The following CIBAR1 variants were observed in gnomAD, a reference collection of about 807,000 sequenced individuals.
CIBAR1 encodes CBY1-interacting BAR domain-containing protein 1.
A neutral mutation model predicts 44.0 loss-of-function variants in CIBAR1; 25 were observed. That is an observed-to-expected ratio of 0.57 (90% CI 0.41 to 0.79). CIBAR1 has a LOEUF of 0.79. Ranked by LOEUF, CIBAR1 falls within the 30% of genes least tolerant of loss-of-function variation. CIBAR1 has a pLI of 0.00. For synonymous variants in CIBAR1, 115 were observed against 119.0 expected (o/e 0.97, Z 0.22); for missense variants, 278 against 344.8 (o/e 0.81, Z 1.53).
intron 5 of CIBAR1, among the ~76,000 whole-genome samples, chr8:93,708,392 A>G (rs186891023): frequency 1.4e-3 from 212 of 152,330 alleles, no homozygotes; most frequent in Middle Eastern, 6.8e-3. Flanking sequence ...AAATATTACT[A>G]TAGCTACTGA....
Position 93,730,642 on chromosome 8 carries a change from T to C in CIBAR1, c.*2345T>C, listed in dbSNP as rs1811753197. On this transcript the variant is annotated 3_prime_UTR_variant, in exon 9 of 9. Transcript: ENST00000518322. ...AGGGGACAACAGGAGGGGAATTCCT[T>C]GATTTGCTGCATTTATCACTTTCCA... is the stretch of plus-strand genomic sequence containing the variant. The C allele has an allele frequency of 6.6e-6, 1 of 152,142 alleles. No individual in the cohort carries two copies. 9.4% of individuals were successfully genotyped at this position (152,142 alleles called of 1,614,324 possible).
At position 93,704,935 on chromosome 8, in the gene CIBAR1, A is replaced by C; in HGVS notation, c.357A>C (p.Ala119=). Residue 119 remains alanine, a synonymous_variant, in exon 4 of 9, where the codon GCA becomes GCC. Transcript: ENST00000518322. The stretch of plus-strand genomic sequence containing the variant: ...ATGACCTCAAAGCAACACTCACAGC[A>C]AGGAATCGAGAAGCTAAGCAATTAA... The part of the protein sequence containing the change: ...KRDDLKATLT[A]RNREAKQLTQ... The C allele has an allele frequency of 1.2e-6, 2 of 1,609,628 alleles. No homozygotes were observed. Among genetic ancestry groups the C allele is most frequent in the Non-Finnish European group, 8.5e-7 (1 of 1,178,398 alleles).
At chr8:93,719,364 A>G (rs1434000110) in intron 7 of CIBAR1, among the ~76,000 whole-genome samples, 2 of 152,234 alleles carry the variant, frequency 1.3e-5, no homozygotes, top group Non-Finnish European at 2.9e-5. Context: ...TTGACTGGTG[A>G]TATAAGCCCA....
At chr8:93,721,642 A>G (rs925219402) in intron 7 of CIBAR1, among the ~76,000 whole-genome samples, 2 of 152,190 alleles carry the variant, frequency 1.3e-5, no homozygotes, top group Non-Finnish European at 2.9e-5. Context: ...CTTACCTCAT[A>G]TAGTGTTTGT....
Position 93,730,051 on chromosome 8 carries a change from C to A in CIBAR1, c.*1754C>A, listed in dbSNP as rs1811726650. 6.6e-6 allele frequency: 1 copy of A among 152,194 alleles called. No homozygotes were observed. 9.4% of individuals were successfully genotyped at this position (152,194 alleles called of 1,614,324 possible). On this transcript the variant is annotated 3_prime_UTR_variant, in exon 9 of 9. Coordinates refer to ENST00000518322, the MANE Select transcript of CIBAR1 (RefSeq NM_145269.5). ...TGCAATGAGCATTTTCTTTGAGCAT[C>A]ATGTTGGCACTCAAAAAGTTTGTGA...
rs1259314269 is a variant in CIBAR1 at position 93,730,910 on chromosome 8, AC to A, written c.*2614del. 1 of 152,250 alleles carries A rather than the reference AC, an allele frequency of 6.6e-6. No homozygotes were observed. The highest frequency in any genetic ancestry group is 1.5e-5 in the Non-Finnish European group (1 of 68,048). 9.4% of individuals were successfully genotyped at this position (152,250 alleles called of 1,614,324 possible). The stretch of plus-strand genomic sequence containing the variant: ...ACAGTGGCTCACACCTGTAATCCCA[AC>A]ACATTCTGGGAGACCAAGGAGTGAG... On this transcript the variant is annotated 3_prime_UTR_variant, in exon 9 of 9. Coordinates refer to ENST00000518322, the MANE Select transcript of CIBAR1 (RefSeq NM_145269.5).
chr8:93,726,454 A>G lies in CIBAR1; in HGVS notation c.718A>G (p.Asn240Asp). The G allele has an allele frequency of 6.2e-7, 1 of 1,613,782 alleles. No individual in the cohort carries two copies. The highest frequency in any genetic ancestry group is 8.5e-7 in the Non-Finnish European group (1 of 1,179,752). ...YSSRLDIVRA[N>D]SKSPLQRSLS... ...ATCTCGTTTAGATATTGTAAGAGCA[A>G]ATTCAAAGTCACCTCTTCAGAGATC... Residue 240 changes from asparagine to aspartate, a missense_variant, in exon 8 of 9, where the codon AAT (asparagine) becomes GAT (aspartate). Transcript: ENST00000518322.
At chr8:93,709,299 AAG>A (rs898479505) in intron 5 of CIBAR1, among the ~76,000 whole-genome samples, 5 of 152,186 alleles carry the variant, frequency 3.3e-5, no homozygotes, top group Admixed American at 2.0e-4. Flanking sequence ...ATAAATAAAA[AAG>A]AGATAATCTG....
At chr8:93,715,554 A>G (rs1233843441) in intron 6 of CIBAR1, 4 of 152,126 alleles carry the variant, frequency 2.6e-5, no homozygotes, top group Non-Finnish European at 5.9e-5. Flanking sequence ...TTTCTTAAAC[A>G]TTGTCTGTGT....
At chr8:93,714,158 T>G (rs1277311985) in intron 6 of CIBAR1, among the ~76,000 whole-genome samples, 1 of 152,258 alleles carries the variant, frequency 6.6e-6, no homozygotes, top group East Asian at 1.9e-4. Flanking sequence ...TTTGTAGTTT[T>G]CAGAATATAA....
intron 2 of CIBAR1, 88 bp from the exon 3 acceptor site, chr8:93,703,532 G>T: frequency 4.0e-6 from 3 of 754,148 alleles, no homozygotes; most frequent in South Asian, 2.1e-5. Flanking sequence ...TTTAGATTCT[G>T]AGTCTTATCA....
In CIBAR1 at chr8:93,725,063, A is replaced by G. The variant is rs187459866; in HGVS notation, c.658-1331A>G. Among the ~76,000 whole-genome samples, 200 of 152,184 alleles carry G rather than the reference A, an allele frequency of 1.3e-3. 1 individual carries two copies. Among genetic ancestry groups the G allele is most frequent in the African/African-American group, 4.6e-3 (193 of 41,518 alleles). ...CGTGTTGTGATCTTGGCTCACTGCA[A>G]CCTCTGCCTCCCAGGCTCAAGTGAT... On this transcript the variant is annotated intron_variant, in intron 7 of 8. Transcript: ENST00000518322.
rs1196047584 is a variant in CIBAR1 at position 93,728,938 on chromosome 8, T to C, written c.*641T>C. 1 of 152,096 alleles carries C rather than the reference T, an allele frequency of 6.6e-6. No individual in the cohort carries two copies. The highest frequency in any genetic ancestry group is 1.5e-5 in the Non-Finnish European group (1 of 67,956). The allele number at this position is 152,096 out of a possible 1,614,324, so 9.4% of individuals were successfully genotyped here. On this transcript the variant is annotated 3_prime_UTR_variant, in exon 9 of 9. Coordinates refer to ENST00000518322, the MANE Select transcript of CIBAR1 (RefSeq NM_145269.5). Reference sequence around the variant, plus strand: ...AAACTGCTGTCATAATTATACATGATACTGCAACTTTTGGAAGGCTAATTT... The same window carrying C: ...AAACTGCTGTCATAATTATACATGACACTGCAACTTTTGGAAGGCTAATTT...
intron 3 of CIBAR1, among the ~76,000 whole-genome samples, chr8:93,704,672 T>G (rs553249055): frequency 1.3e-5 from 2 of 152,340 alleles, no homozygotes; most frequent in South Asian, 2.1e-4. Flanking sequence ...CATATATCTA[T>G]TATGGTTAAT....
chr8:93,707,227 G>A (rs1428267618), intron 4 of CIBAR1: 3 of 431,636 alleles, frequency 7.0e-6, no homozygotes, highest in African/African-American at 6.1e-5. Context: ...TCAGTGAAAA[G>A]AAGAAATATT....
intron 7 of CIBAR1, 47 bp from the exon 8 acceptor site, chr8:93,726,347 A>T: frequency 6.7e-7 from 1 of 1,492,832 alleles, no homozygotes; most frequent in Non-Finnish European, 9.0e-7. Context: ...GACTGTCTTG[A>T]TTTTGTTTAG....
At chr8:93,711,145 G>A (rs1810808903) in intron 6 of CIBAR1, among the ~76,000 whole-genome samples, 1 of 152,064 alleles carries the variant, frequency 6.6e-6, no homozygotes, top group East Asian at 1.9e-4. Context: ...AATTCAGCAG[G>A]TCTTTTTGAT....
rs145658916 is a variant in CIBAR1 at position 93,716,861 on chromosome 8, C to A, written c.544-1814C>A. On this transcript the variant is annotated intron_variant, in intron 6 of 8. Transcript: ENST00000518322. The stretch of plus-strand genomic sequence containing the variant: ...TTAATTTTCAAATGGATAAACAGTT[C>A]TCTTACATCCTTTATTGAATATCCT... Among the ~76,000 whole-genome samples the A allele has an allele frequency of 3.3e-5, 5 of 152,274 alleles. No individual in the cohort carries two copies. The East Asian group carries it at 9.6e-4, about 29-fold the overall frequency.
At chr8:93,726,334 T>A in intron 7 of CIBAR1, 60 bp from the exon 8 acceptor site, 1 of 1,424,014 alleles carries the variant, frequency 7.0e-7, no homozygotes, top group Non-Finnish European at 9.3e-7. Flanking sequence ...AGGAACTTAA[T>A]TTGACTGTCT....
Sources: allele counts gnomAD v4.1 joint callset (sites outside exome capture counted in the v4.1 genomes callset), GRCh38; gene constraint gnomAD v4.1.1; transcripts MANE v1.5; gene names NCBI Gene and HGNC (gene_info 2026-07-23, HGNC 2026-07-21).